The following WDPCP variants were observed in gnomAD, a reference collection of about 807,000 sequenced individuals.
WDPCP encodes the protein WD repeat-containing and planar cell polarity effector protein fritz homolog.
Under a neutral mutation model 93.1 loss-of-function variants are expected in WDPCP, and 71 were observed. That is an observed-to-expected ratio of 0.76 (90% CI 0.63 to 0.93). WDPCP has a LOEUF of 0.93. WDPCP is among the 40% of genes least tolerant of loss of function. WDPCP has a pLI of 0.00. For missense variants in WDPCP, 844 were observed against 887.4 expected (o/e 0.95, Z 0.62); for synonymous variants, 315 against 315.0 (o/e 1.00, Z 0.00).
chr2:63,572,619 C>T (rs1482183683), intron 1 of WDPCP, among the ~76,000 whole-genome samples: 4 of 139,342 alleles, frequency 2.9e-5, no homozygotes, highest in South Asian at 4.8e-4. Flanking sequence ...AGGAGAATCG[C>T]TTGAACCTGG....
intron 6 of WDPCP, among the ~76,000 whole-genome samples, chr2:63,455,413 G>GATATATATATAT (rs59481179): frequency 9.2e-5 from 13 of 140,942 alleles, no homozygotes; most frequent in South Asian, 4.6e-4. Context: ...TACTTGTAAA[G>GATATATATATAT]ATATATATAT....
intron 3 of WDPCP, among the ~76,000 whole-genome samples, chr2:63,612,008 C>A (rs1709620582): frequency 1.3e-5 from 2 of 152,190 alleles, no homozygotes; most frequent in South Asian, 4.1e-4. Context: ...ATCATTATTT[C>A]TTCATAAAAG....
intron 3 of WDPCP, chr2:63,594,286 T>C: frequency 1.5e-6 from 1 of 676,874 alleles, no homozygotes; most frequent in African/African-American, 1.8e-5. Context: ...AGGATAACAC[T>C]TTTAGCTCCC....
the WDPCP span, chr2:63,840,815 C>G: frequency 6.5e-6 from 1 of 152,728 alleles, no homozygotes; most frequent in East Asian, 1.9e-4. Flanking sequence ...GCGGTATCCC[C>G]GCGTACTGCT....
chr2:63,168,437 T>C (rs1454104801), intron 15 of WDPCP, among the ~76,000 whole-genome samples: 4 of 152,210 alleles, frequency 2.6e-5, no homozygotes, highest in African/African-American at 9.6e-5. Context: ...TTTCTTACAG[T>C]ACATAGCTGG....
chr2:63,214,706 T>C (rs555706466), intron 14 of WDPCP, among the ~76,000 whole-genome samples: 188 of 152,312 alleles, frequency 1.2e-3, no homozygotes, highest in Middle Eastern at 6.8e-3. Context: ...GATGACATGA[T>C]TGTATATTTA....
rs189657142 is a variant in WDPCP, at chr2:63,707,185, T to C, written n.309-56347A>G. 1.4e-3 allele frequency among the ~76,000 whole-genome samples: 209 copies of C among 152,356 alleles called. 1 individual carries two copies. Among genetic ancestry groups the C allele is most frequent in the African/African-American group, 4.7e-3 (197 of 41,592 alleles). The stretch of plus-strand genomic sequence containing the variant: ...TTGAATGTTGGCCTGCCTTGCTAGA[T>C]TGGGGAAGTTCTCCTGGATAATATC... On this transcript the variant is annotated intron_variant and non_coding_transcript_variant, in intron 2 of 4. Transcript: ENST00000467687.
At chr2:63,493,533 T>G (rs1701023041) in intron 1 of WDPCP, among the ~76,000 whole-genome samples, 1 of 151,768 alleles carries the variant, frequency 6.6e-6, no homozygotes, top group Admixed American at 6.6e-5. Context: ...TGGATCCAGA[T>G]ATTTTATTCT....
At chr2:63,256,554 C>A (rs537936436) in intron 14 of WDPCP, among the ~76,000 whole-genome samples, 2 of 148,674 alleles carry the variant, frequency 1.3e-5, no homozygotes, top group Non-Finnish European at 3.0e-5. Context: ...ACTAAGGCTG[C>A]ATATCCTACG....
chr2:63,166,934 C>G (rs184908770), intron 15 of WDPCP, among the ~76,000 whole-genome samples: 3 of 152,058 alleles, frequency 2.0e-5, no homozygotes, highest in Admixed American at 2.0e-4. Flanking sequence ...TTAACCATCC[C>G]CACCGCCATC....
At chr2:63,273,540 T>A (rs149059016) in intron 13 of WDPCP, among the ~76,000 whole-genome samples, 1 of 151,904 alleles carries the variant, frequency 6.6e-6, no homozygotes, top group Non-Finnish European at 1.5e-5. Context: ...ACAGCTTGAA[T>A]GTATTAAAAA....
chr2:63,826,977 C>T (rs184811598), intron 1 of WDPCP, among the ~76,000 whole-genome samples: 1 of 152,142 alleles, frequency 6.6e-6, no homozygotes, highest in African/African-American at 2.4e-5. Context: ...TTAGGTCTCC[C>T]ATCTTTTGAA....
At chr2:63,170,753 A>T (rs1673325479) in intron 15 of WDPCP, among the ~76,000 whole-genome samples, 1 of 152,078 alleles carries the variant, frequency 6.6e-6, no homozygotes, top group African/African-American at 2.4e-5. Context: ...GAAACTGTTC[A>T]TCTTTTTCCT....
At chr2:63,749,509 T>C (rs1669847863) in intron 2 of WDPCP, among the ~76,000 whole-genome samples, 1 of 152,090 alleles carries the variant, frequency 6.6e-6, no homozygotes, top group Non-Finnish European at 1.5e-5. Context: ...TCATATTCGA[T>C]ACACGAGTTA....
chr2:63,614,215 G>C (rs1325543024), intron 3 of WDPCP, among the ~76,000 whole-genome samples: 7 of 152,098 alleles, frequency 4.6e-5, no homozygotes, highest in African/African-American at 1.7e-4. Flanking sequence ...CTATGAAGAA[G>C]ATTTTTAAAC....
At chr2:63,575,370 G>C (rs1172133886) in intron 1 of WDPCP, among the ~76,000 whole-genome samples, 3 of 128,390 alleles carry the variant, frequency 2.3e-5, no homozygotes, top group South Asian at 2.5e-4. Flanking sequence ...AGTATATACA[G>C]TATATACAGT....
At chr2:63,374,221 G>C (rs1315983593) in intron 12 of WDPCP, among the ~76,000 whole-genome samples, 5 of 152,016 alleles carry the variant, frequency 3.3e-5, no homozygotes, top group African/African-American at 1.2e-4. Context: ...TATCCTCTGA[G>C]TACACAACCT....
chr2:63,376,905 T>C (rs979781944), intron 12 of WDPCP, among the ~76,000 whole-genome samples: 1 of 151,908 alleles, frequency 6.6e-6, no homozygotes, highest in Non-Finnish European at 1.5e-5. Flanking sequence ...CCACTTTATA[T>C]ATAAAAATCT....
At chr2:63,374,547 G>A (rs879631059) in intron 12 of WDPCP, among the ~76,000 whole-genome samples, 6 of 151,864 alleles carry the variant, frequency 4.0e-5, no homozygotes, top group Non-Finnish European at 4.4e-5. Flanking sequence ...CTCTATCAGC[G>A]AAAAGTATAA....
Sources: allele counts gnomAD v4.1 joint callset (sites outside exome capture counted in the v4.1 genomes callset), GRCh38; gene constraint gnomAD v4.1.1; transcripts MANE v1.5; gene names NCBI Gene and HGNC (gene_info 2026-07-23, HGNC 2026-07-21).